The following CCDC149 variants were observed in gnomAD, a reference collection of about 807,000 sequenced individuals.
CCDC149 encodes coiled-coil domain-containing protein 149.
A neutral mutation model predicts 59.9 loss-of-function variants in CCDC149; 45 were observed. The observed-to-expected ratio is 0.75, with a 90% confidence interval of 0.59 to 0.96. The LOEUF (loss-of-function observed/expected upper bound fraction) is 0.96, where lower values mean the gene tolerates loss of function less well. CCDC149 is among the 40% of genes least tolerant of loss of function. CCDC149 has a pLI of 0.00. For synonymous variants in CCDC149, 245 were observed against 260.6 expected (o/e 0.94, Z 0.58); for missense variants, 584 against 664.7 (o/e 0.88, Z 1.33).
chr4:24,840,177 T>C (rs1415974876), intron 4 of CCDC149, among the ~76,000 whole-genome samples: 1 of 152,244 alleles, frequency 6.6e-6, no homozygotes, highest in African/African-American at 2.4e-5. Flanking sequence ...CTTTGGGTCC[T>C]TATTTGAAAA....
At chr4:24,966,034 G>T (rs369041136) in intron 1 of CCDC149, among the ~76,000 whole-genome samples, 20 of 152,110 alleles carry the variant, frequency 1.3e-4, no homozygotes, top group Non-Finnish European at 1.2e-4. Context: ...AACTGTCTAC[G>T]ATTCCTCAAG....
chr4:24,900,213 G>C (rs375235814), intron 1 of CCDC149, among the ~76,000 whole-genome samples: 29 of 152,270 alleles, frequency 1.9e-4, no homozygotes, highest in African/African-American at 6.5e-4. Context: ...ACATAGTAAT[G>C]CTCACTATGT....
chr4:24,812,768 A>G (rs1019260400), intron 12 of CCDC149, among the ~76,000 whole-genome samples: 1 of 152,230 alleles, frequency 6.6e-6, no homozygotes, highest in Middle Eastern at 3.2e-3. Context: ...GAGCAAAGGA[A>G]CATCTTATAT....
intron 1 of CCDC149, among the ~76,000 whole-genome samples, chr4:24,959,943 T>C (rs7659312): frequency 0.75 from 114,842 of 152,190 alleles, 43,543 homozygotes; most frequent in African/African-American, 0.79. Flanking sequence ...TGATACCGGA[T>C]GGAAATATGG....
intron 1 of CCDC149, among the ~76,000 whole-genome samples, chr4:24,932,523 T>A (rs1441514083): frequency 6.6e-6 from 1 of 152,156 alleles, no homozygotes; most frequent in Non-Finnish European, 1.5e-5. Context: ...CTTAAGAGAC[T>A]GTTAAATTGA....
intron 1 of CCDC149, among the ~76,000 whole-genome samples, chr4:24,973,225 T>C (rs1006266710): frequency 6.6e-6 from 1 of 152,128 alleles, no homozygotes; most frequent in Admixed American, 6.5e-5. Flanking sequence ...CTAACACATA[T>C]AAAAACCAAG....
intron 1 of CCDC149, among the ~76,000 whole-genome samples, chr4:24,954,277 A>C (rs984827287): frequency 1.3e-5 from 2 of 152,166 alleles, no homozygotes; most frequent in Non-Finnish European, 2.9e-5. Flanking sequence ...CATGCATTGA[A>C]GTCATATGCT....
chr4:24,805,329 G>T (rs1714096679), downstream of CCDC149, among the ~76,000 whole-genome samples: 1 of 152,152 alleles, frequency 6.6e-6, no homozygotes, highest in African/African-American at 2.4e-5. Flanking sequence ...TACAGAACAG[G>T]ACAGATCAGA....
chr4:24,919,454 G>A (rs1335184557), intron 1 of CCDC149, among the ~76,000 whole-genome samples: 1 of 152,154 alleles, frequency 6.6e-6, no homozygotes. Flanking sequence ...GGTTAAAATG[G>A]TAAATTTCAT....
At chr4:24,949,616 T>G (rs1264267298) in intron 1 of CCDC149, among the ~76,000 whole-genome samples, 1 of 152,098 alleles carries the variant, frequency 6.6e-6, no homozygotes, top group East Asian at 1.9e-4. Flanking sequence ...TCAAGGGGCT[T>G]ACACACATTT....
chr4:24,950,668 G>A (rs1434492463), intron 1 of CCDC149, among the ~76,000 whole-genome samples: 7 of 152,170 alleles, frequency 4.6e-5, no homozygotes, highest in Admixed American at 6.5e-5. Flanking sequence ...GATAATTATC[G>A]TACTTACCCC....
chr4:24,834,446 T>A (rs1341608651), intron 8 of CCDC149, among the ~76,000 whole-genome samples: 1 of 152,076 alleles, frequency 6.6e-6, no homozygotes, highest in East Asian at 1.9e-4. Context: ...AAAAGGCACA[T>A]GTTATGTGAG....
rs777489891 is a variant in CCDC149, at chr4:24,853,094, C to T, written c.350G>A (p.Gly117Glu). Residue 117 changes from glycine to glutamate, a missense_variant, in exon 4 of 13, where the codon GGA becomes GAA. Gly to Glu is a moderately conservative substitution (Grantham distance 98, BLOSUM62 -2). Transcript: ENST00000635206. ...TACCTTGTTGTCGCCCTGGACTTCT[C>T]CAAGCCTTTGCTGAAGTTCTTTAAT... The T allele has an allele frequency of 9.9e-6, 16 of 1,612,936 alleles. No homozygotes were observed. Among genetic ancestry groups the T allele is most frequent in the Admixed American group, 5.0e-5 (3 of 60,014 alleles).
intron 12 of CCDC149, among the ~76,000 whole-genome samples, chr4:24,816,305 T>C (rs1450869503): frequency 6.6e-6 from 1 of 152,144 alleles, no homozygotes; most frequent in African/African-American, 2.4e-5. Context: ...TTGCCCAGGC[T>C]GGTCTCAAAT....
chr4:24,969,410 G>A (rs1416423641), intron 1 of CCDC149, among the ~76,000 whole-genome samples: 3 of 152,138 alleles, frequency 2.0e-5, no homozygotes, highest in Non-Finnish European at 2.9e-5. Context: ...GAGAGTGATA[G>A]GGGAACACAT....
chr4:24,935,792 G>A (rs113339145), intron 1 of CCDC149, among the ~76,000 whole-genome samples: 22 of 152,290 alleles, frequency 1.4e-4, no homozygotes, highest in African/African-American at 5.3e-4. Flanking sequence ...ATGAATATAT[G>A]AGTCTAAAGT....
At chr4:24,877,752 C>T (rs1577441085) in intron 1 of CCDC149, among the ~76,000 whole-genome samples, 1 of 152,164 alleles carries the variant, frequency 6.6e-6, no homozygotes, top group African/African-American at 2.4e-5. Context: ...GGTTGGAATT[C>T]TTGCCTCAGA....
At chr4:24,862,953 A>G (rs964465527) in intron 3 of CCDC149, among the ~76,000 whole-genome samples, 7 of 152,182 alleles carry the variant, frequency 4.6e-5, no homozygotes, top group African/African-American at 1.4e-4. Flanking sequence ...AGGAGAAAGG[A>G]AAACCTTTAT....
chr4:24,813,430 G>A (rs574977364), intron 12 of CCDC149, among the ~76,000 whole-genome samples: 1 of 146,410 alleles, frequency 6.8e-6, no homozygotes, highest in South Asian at 2.1e-4. Context: ...ACATGGCTTG[G>A]ATTTCTAAGG....
Sources: gnomAD v4.1 joint callset for allele counts (sites outside exome capture counted in the v4.1 genomes callset) on GRCh38, gnomAD v4.1.1 for gene constraint, MANE v1.5 for transcripts, NCBI Gene and HGNC (gene_info 2026-07-23, HGNC 2026-07-21) for gene names.